Variants in CARD9 observed in about 807,000 individuals in gnomAD.
CARD9 encodes the protein caspase recruitment domain-containing protein 9.
In CARD9, 53 loss-of-function variants were observed where a neutral mutation model predicts 66.0. The observed-to-expected ratio is 0.80, with a 90% confidence interval of 0.64 to 1.01. The LOEUF (loss-of-function observed/expected upper bound fraction) is 1.01, where lower values mean the gene tolerates loss of function less well. Ranked by LOEUF, CARD9 falls within the 50% of genes least tolerant of loss-of-function variation. The pLI is 0.00. For missense variants in CARD9, 769 were observed against 743.2 expected (o/e 1.03, Z -0.40); for synonymous variants, 387 against 313.8 (o/e 1.23, Z -2.47).
intron 8 of CARD9, 68 bp from the exon 9 acceptor site, chr9:136,367,325 G>A: frequency 1.3e-6 from 2 of 1,551,654 alleles, no homozygotes; most frequent in South Asian, 2.3e-5. Context: ...AGGGTGGGCA[G>A]GGCACAGAGC....
Position 136,364,003 on chromosome 9 carries a change from TAATAC to T in CARD9, c.*294_*298del, listed in dbSNP as rs939851523. 1 of 1,262,640 alleles carries T rather than the reference TAATAC, an allele frequency of 7.9e-7. No individual in the cohort carries two copies. Among genetic ancestry groups the T allele is most frequent in the Non-Finnish European group, 1.1e-6 (1 of 884,708 alleles). 78.2% of individuals were successfully genotyped at this position (1,262,640 alleles called of 1,614,324 possible). A position where few individuals can be genotyped will look rare whatever the true frequency, so the allele number is the denominator to read the frequency against. On this transcript the variant is annotated 3_prime_UTR_variant, in exon 13 of 13. Coordinates refer to ENST00000371732, the MANE Select transcript of CARD9 (RefSeq NM_052813.5). ...TTTACGCAGCTGTGTTTTCTAACACTAATACAATGCATGCATGTATTGTGTGTTAC... is the reference window on the plus strand; with the variant it reads ...TTTACGCAGCTGTGTTTTCTAACACTAATGCATGCATGTATTGTGTGTTAC...
chr9:136,366,705 GAC>G, intron 10 of CARD9, 93 bp downstream of exon 10: 1 of 1,335,320 alleles, frequency 7.5e-7, no homozygotes, highest in Middle Eastern at 1.9e-4. Context: ...TGTGGGGGTT[GAC>G]ACAGGCATTG....
chr9:136,367,925 ACGT>A (rs1295665541), intron 7 of CARD9, 97 bp from the exon 8 acceptor site: 1 of 1,465,300 alleles, frequency 6.8e-7, no homozygotes, highest in Admixed American at 2.4e-5. Context: ...GCTCCGGAGG[ACGT>A]CAAGCCGCTG....
intron 10 of CARD9, chr9:136,366,562 C>T: frequency 3.4e-6 from 2 of 585,584 alleles, no homozygotes. Flanking sequence ...CCCCCACACT[C>T]TCCACCCCAG....
intron 7 of CARD9, 164 bp from the exon 8 acceptor site, chr9:136,367,992 C>G: frequency 7.0e-7 from 1 of 1,425,478 alleles, no homozygotes; most frequent in Non-Finnish European, 9.2e-7. Context: ...GACACGAAGT[C>G]AGCACGTGGG....
At position 136,366,730 on chromosome 9, in the gene CARD9, C is replaced by T; in HGVS notation, c.1357+70G>A. Reference sequence around the variant, plus strand: ...GACACAGGCATTGCGGCACGGGCTGCCTGTGCTGAAGATGGGCCTCACTTG... The same window carrying T: ...GACACAGGCATTGCGGCACGGGCTGTCTGTGCTGAAGATGGGCCTCACTTG... On this transcript the variant is annotated intron_variant, in intron 10 of 12. Coordinates refer to ENST00000371732, the MANE Select transcript of CARD9 (RefSeq NM_052813.5). The T allele has an allele frequency of 2.6e-6, 4 of 1,534,914 alleles. 1 individual carries two copies. The highest frequency in any genetic ancestry group is 4.5e-5 in the East Asian group (2 of 44,432).
intron 1 of CARD9, among the ~76,000 whole-genome samples, chr9:136,373,274 C>T (rs1276085052): frequency 1.3e-5 from 2 of 152,262 alleles, no homozygotes; most frequent in Non-Finnish European, 2.9e-5. Context: ...ACTGGCCACA[C>T]GGTAGACAGT....
chr9:136,367,128 G>C (rs769273063), intron 9 of CARD9, 88 bp downstream of exon 9: 4 of 1,433,506 alleles, frequency 2.8e-6, no homozygotes, highest in Non-Finnish European at 3.9e-6. Flanking sequence ...GCCATGTGAC[G>C]GGCAGTGTGG....
At chr9:136,366,738 G>A in intron 10 of CARD9, 62 bp downstream of exon 10, 3 of 1,571,648 alleles carry the variant, frequency 1.9e-6, no homozygotes, top group South Asian at 1.1e-5. Context: ...TGCCTGTGCT[G>A]AAGATGGGCC....
At chr9:136,366,568 C>T (rs960115565) in intron 10 of CARD9, 3 of 593,496 alleles carry the variant, frequency 5.1e-6, no homozygotes, top group Non-Finnish European at 9.0e-6. Flanking sequence ...CACTCTCCAC[C>T]CCAGGGGACA....
intron 7 of CARD9, 23 bp downstream of exon 7, chr9:136,369,727 G>A: frequency 6.3e-7 from 1 of 1,577,392 alleles, no homozygotes; most frequent in Non-Finnish European, 8.6e-7. Context: ...GGGGTGCTTT[G>A]TCCTGCCCCT....
Position 136,364,345 on chromosome 9 carries a change from T to C in CARD9, c.1568A>G (p.Glu523Gly). ...KGWRQGEEDR[E>G]NTTGSDNTDT... is the part of the protein sequence containing the mutation. ...GGTGTTGTCGCTGCCCGTGGTGTTC[T>C]CCCGGTCCTCCTCCCCCTGCCGCCA... The change falls in exon 13 of 13, where the codon GAG becomes GGG. Residue 523 changes from glutamate (E) to glycine (G), a missense_variant. By Grantham distance (98) the Glu-to-Gly change is moderately conservative. Coordinates refer to ENST00000371732, the MANE Select transcript of CARD9 (RefSeq NM_052813.5). 6.4e-7 allele frequency: 1 copy of C among 1,568,512 alleles called. No homozygotes were observed. Among genetic ancestry groups the C allele is most frequent in the Non-Finnish European group, 8.6e-7 (1 of 1,158,106 alleles).
chr9:136,370,486 C>T (rs1164853466), intron 5 of CARD9, 36 bp downstream of exon 5: 4 of 1,603,310 alleles, frequency 2.5e-6, no homozygotes, highest in African/African-American at 2.7e-5. Context: ...CCCCACTGCC[C>T]TGCCTGGGCT....
At chr9:136,372,853 G>A (rs1833308486) in intron 1 of CARD9, among the ~76,000 whole-genome samples, 1 of 152,230 alleles carries the variant, frequency 6.6e-6, no homozygotes, top group African/African-American at 2.4e-5. Context: ...TGGCTGGCCA[G>A]GAGTGCTGCT....
chr9:136,369,716 TG>T, intron 7 of CARD9, 33 bp downstream of exon 7: 1 of 1,567,464 alleles, frequency 6.4e-7, no homozygotes. Context: ...CACCCGCGAG[TG>T]GGGTGCTTTG....
intron 2 of CARD9, 33 bp from the exon 3 acceptor site, chr9:136,371,494 GCACA>G: frequency 3.0e-6 from 3 of 998,740 alleles, no homozygotes. Flanking sequence ...TGGGGGCGGG[GCACA>G]GGCGAGGCAG....
intron 7 of CARD9, among the ~76,000 whole-genome samples, chr9:136,369,365 A>AC (rs1196155491): frequency 6.6e-6 from 1 of 152,262 alleles, no homozygotes; most frequent in Non-Finnish European, 1.5e-5. Flanking sequence ...TAGATGATAG[A>AC]CAGATGGATA....
chr9:136,367,654 G>C lies in CARD9; in HGVS notation c.1252C>G (p.Leu418Val), dbSNP rs773817103. ...AVEGRLRRQQ[L>V]ETLVLSSDLE... The stretch of plus-strand genomic sequence containing the variant: ...AGGCCCACCAGGACGAGCGTCTCCA[G>C]CTGCTGCCGCCTGAGCCTGCCCTCC... The change falls in exon 8 of 13, where the codon CTG becomes GTG. Residue 418 changes from leucine to valine, a missense_variant. Coordinates refer to ENST00000371732, the MANE Select transcript of CARD9 (RefSeq NM_052813.5). 1.3e-6 allele frequency: 2 copies of C among 1,592,272 alleles called. No individual in the cohort carries two copies. Among genetic ancestry groups the C allele is most frequent in the East Asian group, 4.5e-5 (2 of 44,516 alleles).
intron 1 of CARD9, among the ~76,000 whole-genome samples, chr9:136,372,332 C>A (rs1245077046): frequency 6.6e-6 from 1 of 152,240 alleles, no homozygotes; most frequent in East Asian, 1.9e-4. Flanking sequence ...GGCCCCTCCG[C>A]AGCCTTTCCC....
Sources: gnomAD v4.1 joint callset for allele counts (sites outside exome capture counted in the v4.1 genomes callset) on GRCh38, gnomAD v4.1.1 for gene constraint, MANE v1.5 for transcripts, NCBI Gene and HGNC (gene_info 2026-07-23, HGNC 2026-07-21) for gene names.